Variants in C19orf18 observed in about 807,000 individuals in gnomAD.
C19orf18 encodes the protein uncharacterized protein C19orf18.
C19orf18 carries 21 observed loss-of-function variants against 23.3 expected under a neutral mutation model. That is an observed-to-expected ratio of 0.90 (90% CI 0.64 to 1.30). The LOEUF is 1.30. Among genes scored for constraint, C19orf18 ranks in the 50% most tolerant of loss-of-function variants. The probability of loss-of-function intolerance (pLI) is 0.00; values close to 1 mark genes in which losing one functional copy is unlikely to be tolerated. For missense variants in C19orf18, 249 were observed against 259.6 expected, an observed-to-expected ratio of 0.96 and a Z score of 0.28; for synonymous variants, 96 against 95.2, an observed-to-expected ratio of 1.01 and a Z score of -0.05.
At chr19:57,963,152 G>A (rs956361521) in intron 4 of C19orf18, among the ~76,000 whole-genome samples, 4 of 150,608 alleles carry the variant, frequency 2.7e-5, no homozygotes, top group African/African-American at 9.7e-5. Context: ...TCAGCCTCCC[G>A]AGTAGCTGGG....
intron 5 of C19orf18, 88 bp downstream of exon 5, chr19:57,961,303 A>C: frequency 7.7e-7 from 1 of 1,303,612 alleles, no homozygotes; most frequent in East Asian, 2.4e-5. Flanking sequence ...AAAGAAATGC[A>C]AGCCACCGCT....
Position 57,974,137 on chromosome 19 carries a change from T to C in C19orf18, c.188A>G (p.Gln63Arg), listed in dbSNP as rs2072966669. ...KEPKVFFHKT[Q>R]LPGIQGAASR... ...GGCAGCCCCTTGAATCCCAGGCAAC[T>C]GGGTTTTATGAAAGAACACTTTGGG... The change falls in exon 2 of 6, where the codon CAG becomes CGG. Residue 63 changes from glutamine (Q) to arginine (R), a missense_variant. Coordinates refer to ENST00000314391, the MANE Select transcript of C19orf18 (RefSeq NM_152474.5). The C allele has an allele frequency of 3.7e-6, 6 of 1,614,198 alleles. No individual in the cohort carries two copies. The highest frequency in any genetic ancestry group is 4.5e-5 in the East Asian group (2 of 44,882).
At chr19:57,973,299 A>G (rs1472076405) in intron 2 of C19orf18, among the ~76,000 whole-genome samples, 1 of 151,888 alleles carries the variant, frequency 6.6e-6, no homozygotes, top group Non-Finnish European at 1.5e-5. Context: ...TGGAATGGAG[A>G]TTATTTACAA....
chr19:57,966,763 GTTT>G lies in C19orf18; in HGVS notation c.269-134_269-132del, dbSNP rs11366837. The G allele has an allele frequency of 6.8e-6, 4 of 586,354 alleles. No homozygotes were observed. The East Asian group carries it at 1.2e-4, about 18-fold the overall frequency. The allele number at this position is 586,354 out of a possible 1,614,324, so 36.3% of individuals were successfully genotyped here. The stretch of plus-strand genomic sequence containing the variant: ...AACACTTTCAAAAATAGCTTGTTTT[GTTT>G]TTTTTTGTTTTGTTTTCTTTTTTGA... On this transcript the variant is annotated intron_variant, in intron 3 of 5. Coordinates refer to ENST00000314391, the MANE Select transcript of C19orf18 (RefSeq NM_152474.5).
intron 3 of C19orf18, 48 bp downstream of exon 3, chr19:57,972,415 T>G (rs1351715192): frequency 1.2e-6 from 2 of 1,603,846 alleles, no homozygotes; most frequent in South Asian, 2.2e-5. Flanking sequence ...TCACGACAGC[T>G]TCAGGAATGT....
At chr19:57,962,208 AT>A (rs965316979) in intron 4 of C19orf18, among the ~76,000 whole-genome samples, 42 of 145,262 alleles carry the variant, frequency 2.9e-4, no homozygotes, top group Admixed American at 6.2e-4. Flanking sequence ...TTATTTTTGT[AT>A]TTTTTTTTTT....
chr19:57,969,124 T>C (rs2072926822), intron 3 of C19orf18, among the ~76,000 whole-genome samples: 2 of 152,160 alleles, frequency 1.3e-5, no homozygotes, highest in Admixed American at 1.3e-4. Context: ...TGTACCCGTG[T>C]GTGGTGGGCC....
rs1252224439 is a variant in C19orf18 at position 57,964,625 on chromosome 19, C to T, written c.371+1905G>A. ...AAGCGGATGTAGTGGAGATAACCCACAACCAAGCACGCAGGTTACGCTCTC... is the reference window on the plus strand; with the variant it reads ...AAGCGGATGTAGTGGAGATAACCCATAACCAAGCACGCAGGTTACGCTCTC... On this transcript the variant is annotated intron_variant, in intron 4 of 5. Transcript: ENST00000314391. 1.6e-4 allele frequency among the ~76,000 whole-genome samples: 25 copies of T among 152,154 alleles called. 1 individual carries two copies. The highest frequency in any genetic ancestry group is 1.6e-3 in the Admixed American group (25 of 15,276).
chr19:57,968,706 T>C (rs2072924255), intron 3 of C19orf18, among the ~76,000 whole-genome samples: 1 of 152,248 alleles, frequency 6.6e-6, no homozygotes, highest in African/African-American at 2.4e-5. Flanking sequence ...AGAAATGGAA[T>C]TGCTGGGTGT....
At chr19:57,961,000 T>G in intron 5 of C19orf18, among the ~76,000 whole-genome samples, 1 of 151,756 alleles carries the variant, frequency 6.6e-6, no homozygotes, top group African/African-American at 2.4e-5. Context: ...ACCCGAGCGT[T>G]GGTGGTATAG....
At chr19:57,968,339 C>G (rs2123229240) in intron 3 of C19orf18, among the ~76,000 whole-genome samples, 1 of 152,284 alleles carries the variant, frequency 6.6e-6, no homozygotes, top group South Asian at 2.1e-4. Context: ...TGGGGGACAC[C>G]AGCATTCAGA....
At chr19:57,961,259 G>GAAGGAAGAAAGAAAGA in intron 5 of C19orf18, 132 bp downstream of exon 5, 1 of 1,025,130 alleles carries the variant, frequency 9.8e-7, no homozygotes, top group South Asian at 1.8e-5. Flanking sequence ...AGAAAGAAAG[G>GAAGGAAGAAAGAAAGA]AAGGAAGAAA....
intron 3 of C19orf18, among the ~76,000 whole-genome samples, chr19:57,971,828 G>A (rs921868362): frequency 2.0e-5 from 3 of 152,136 alleles, no homozygotes; most frequent in African/African-American, 7.2e-5. Flanking sequence ...GATAGACCCT[G>A]GTGCTTCCTT....
chr19:57,964,473 G>A (rs528817403), intron 4 of C19orf18, among the ~76,000 whole-genome samples: 15 of 152,166 alleles, frequency 9.9e-5, no homozygotes, highest in African/African-American at 2.6e-4. Flanking sequence ...GTATAGACGC[G>A]GTTTCACCAT....
intron 3 of C19orf18, among the ~76,000 whole-genome samples, chr19:57,970,625 G>A (rs548713780): frequency 1.3e-5 from 2 of 151,768 alleles, no homozygotes; most frequent in East Asian, 3.9e-4. Context: ...TCTGTTGCCA[G>A]GCTGGAGTGC....
intron 3 of C19orf18, among the ~76,000 whole-genome samples, chr19:57,969,566 GAAAAAAAAAAA>G (rs59100128): frequency 2.3e-3 from 107 of 46,510 alleles, no homozygotes; most frequent in African/African-American, 7.4e-3. Context: ...AAAAAAAACA[GAAAAAAAAAAA>G]AAAAAAAAAA....
intron 2 of C19orf18, 81 bp downstream of exon 2, chr19:57,974,018 C>T: frequency 7.3e-7 from 1 of 1,362,698 alleles, no homozygotes; most frequent in East Asian, 2.3e-5. Flanking sequence ...CCAGCAAGCA[C>T]ACAGTACACA....
At chr19:57,972,550 G>C (rs761691057) in intron 2 of C19orf18, 46 bp from the exon 3 acceptor site, 8 of 1,597,076 alleles carry the variant, frequency 5.0e-6, no homozygotes, top group Non-Finnish European at 5.1e-6. Flanking sequence ...CTTTAAGATG[G>C]TTTAAGATGA....
chr19:57,972,542 T>G (rs745940805), intron 2 of C19orf18, 38 bp from the exon 3 acceptor site: 2 of 1,595,304 alleles, frequency 1.3e-6, no homozygotes, highest in Non-Finnish European at 1.7e-6. Context: ...AGAAGAGACT[T>G]TAAGATGGTT....
Sources: gnomAD v4.1 joint callset for allele counts (sites outside exome capture counted in the v4.1 genomes callset) on GRCh38, gnomAD v4.1.1 for gene constraint, MANE v1.5 for transcripts, NCBI Gene and HGNC (gene_info 2026-07-23, HGNC 2026-07-21) for gene names.